The following TAFA5 variants were observed in gnomAD, a reference collection of about 807,000 sequenced individuals.
The protein encoded by TAFA5 is TAFA chemokine like family member 5, also known as chemokine-like protein TAFA-5.
A neutral mutation model predicts 15.3 loss-of-function variants in TAFA5; 6 were observed. The observed-to-expected ratio is 0.39, with a 90% confidence interval of 0.21 to 0.77. The LOEUF is 0.77. Among genes scored for constraint, TAFA5 ranks in the 30% least tolerant of loss-of-function variants. The probability of loss-of-function intolerance (pLI) is 0.41; values close to 1 mark genes in which losing one functional copy is unlikely to be tolerated. For missense variants in TAFA5, 161 were observed against 193.1 expected (o/e 0.83, Z 0.98); for synonymous variants, 103 against 80.7 (o/e 1.28, Z -1.48).
intron 2 of TAFA5, among the ~76,000 whole-genome samples, chr22:48,668,869 G>A (rs1354798193): frequency 6.6e-5 from 10 of 152,316 alleles, no homozygotes; most frequent in Non-Finnish European, 1.0e-4. Context: ...GGGTCTCAGC[G>A]TCAGCTCTGG....
intron 3 of TAFA5, among the ~76,000 whole-genome samples, chr22:48,729,351 A>ATGT (rs1555903037): frequency 7.1e-6 from 1 of 141,694 alleles, no homozygotes; most frequent in Admixed American, 7.2e-5. Context: ...ATATATTTTT[A>ATGT]TATTAGTATA....
chr22:48,693,008 A>G (rs1569081769), intron 2 of TAFA5, among the ~76,000 whole-genome samples: 1 of 152,210 alleles, frequency 6.6e-6, no homozygotes, highest in Non-Finnish European at 1.5e-5. Flanking sequence ...GCCCGTGCTC[A>G]CTATTCACAG....
At chr22:48,700,382 G>A (rs1005764234) in intron 2 of TAFA5, among the ~76,000 whole-genome samples, 1 of 152,182 alleles carries the variant, frequency 6.6e-6, no homozygotes, top group African/African-American at 2.4e-5. Context: ...GACCTCGCCG[G>A]GGAGAGTGTA....
In TAFA5 at chr22:48,707,711, C is replaced by T. The variant is rs1175796913; in HGVS notation, c.263-6C>T. 2 of 1,613,574 alleles carry T rather than the reference C, an allele frequency of 1.2e-6. No individual in the cohort carries two copies. Among genetic ancestry groups the T allele is most frequent in the African/African-American group, 1.3e-5 (1 of 74,922 alleles). Reference sequence around the variant, plus strand: ...ACGCTGATTGCCTCTCTCTTTTCTCCCACAGCAAGAATCATCAAGACCAAG... The same window carrying T: ...ACGCTGATTGCCTCTCTCTTTTCTCTCACAGCAAGAATCATCAAGACCAAG... On this transcript the variant is annotated splice_region_variant and splice_polypyrimidine_tract_variant and intron_variant, in intron 2 of 3. Transcript: ENST00000402357.
rs946880635 is a variant in TAFA5, at chr22:48,550,643, C to T, written c.112+60939C>T. Among the ~76,000 whole-genome samples the T allele has an allele frequency of 6.6e-6, 1 of 152,158 alleles. No homozygotes were observed. The highest frequency in any genetic ancestry group is 1.5e-5 in the Non-Finnish European group (1 of 68,022). On this transcript the variant is annotated intron_variant, in intron 1 of 3. Transcript: ENST00000402357. This position sits in a 1 kb window ranked among gnomAD's most constrained non-coding sequence, Gnocchi z 4.1. ...GATGCTGCTGGATCCTCCCAAGGTC[C>T]CTTTGCAGGTTGGAACCTGCGGCTC...
intron 1 of TAFA5, among the ~76,000 whole-genome samples, chr22:48,558,660 C>T (rs974781861): frequency 2.6e-5 from 4 of 152,280 alleles, no homozygotes; most frequent in South Asian, 4.1e-4. Flanking sequence ...ATCTTCCGGG[C>T]GTGGCCACTG....
At chr22:48,569,868 T>C (rs1470363319) in intron 1 of TAFA5, among the ~76,000 whole-genome samples, 2 of 152,234 alleles carry the variant, frequency 1.3e-5, no homozygotes, top group Non-Finnish European at 2.9e-5. Flanking sequence ...GCAGGAACTA[T>C]GGCCTGTCAT....
At chr22:48,512,530 C>T (rs1921252607) in intron 1 of TAFA5, among the ~76,000 whole-genome samples, 1 of 152,040 alleles carries the variant, frequency 6.6e-6, no homozygotes, top group African/African-American at 2.4e-5. Context: ...GTGGCTTGAA[C>T]CTGGGAGACA....
At chr22:48,524,902 C>G (rs1444566117) in intron 1 of TAFA5, among the ~76,000 whole-genome samples, 1 of 152,196 alleles carries the variant, frequency 6.6e-6, no homozygotes, top group Non-Finnish European at 1.5e-5. Flanking sequence ...GGGGCATTCT[C>G]TGATCCAGGC....
intron 1 of TAFA5, among the ~76,000 whole-genome samples, chr22:48,589,044 A>G (rs1924464130): frequency 6.6e-6 from 1 of 152,224 alleles, no homozygotes; most frequent in Non-Finnish European, 1.5e-5. Flanking sequence ...GACCTTGCTT[A>G]TAAATAACTG....
intron 1 of TAFA5, among the ~76,000 whole-genome samples, chr22:48,602,367 C>T (rs1393858333): frequency 2.6e-5 from 4 of 152,164 alleles, no homozygotes; most frequent in African/African-American, 4.8e-5. Flanking sequence ...CCCTGGGTGA[C>T]GGCTGTGTAG....
chr22:48,612,198 T>C (rs1925433516), intron 1 of TAFA5, among the ~76,000 whole-genome samples: 1 of 152,142 alleles, frequency 6.6e-6, no homozygotes, highest in Non-Finnish European at 1.5e-5. Flanking sequence ...CCACTGGGCC[T>C]CATGCTTTTC....
At chr22:48,732,422 A>G (rs1929894378) in intron 3 of TAFA5, among the ~76,000 whole-genome samples, 1 of 151,878 alleles carries the variant, frequency 6.6e-6, no homozygotes, top group South Asian at 2.1e-4. Flanking sequence ...ACGCCCAGCT[A>G]ATTTTTTGTA....
At chr22:48,676,174 A>C (rs1185814082) in intron 2 of TAFA5, among the ~76,000 whole-genome samples, 1 of 152,220 alleles carries the variant, frequency 6.6e-6, no homozygotes, top group Non-Finnish European at 1.5e-5. Context: ...CTGCCCAGTC[A>C]AAGGAACCAG....
At chr22:48,638,390 C>T (rs1488923657) in intron 1 of TAFA5, among the ~76,000 whole-genome samples, 1 of 112,034 alleles carries the variant, frequency 8.9e-6, no homozygotes, top group African/African-American at 3.4e-5. Context: ...GGACACCGCA[C>T]ACAGGGGGGA....
At chr22:48,612,745 A>C (rs1925457001) in intron 1 of TAFA5, among the ~76,000 whole-genome samples, 2 of 152,146 alleles carry the variant, frequency 1.3e-5, no homozygotes, top group Admixed American at 1.3e-4. Context: ...CCTCCTGGGC[A>C]ACCCTGCCAC....
intron 2 of TAFA5, 135 bp downstream of exon 2, chr22:48,646,881 T>G (rs2147202649): frequency 8.8e-7 from 1 of 1,132,328 alleles, no homozygotes; most frequent in East Asian, 2.6e-5. Flanking sequence ...CCCTGGCTGT[T>G]GGCACAGCTG....
intron 3 of TAFA5, among the ~76,000 whole-genome samples, chr22:48,748,700 C>G (rs577511650): frequency 2.0e-5 from 3 of 152,308 alleles, no homozygotes; most frequent in South Asian, 4.1e-4. Flanking sequence ...CGCCCAGGAG[C>G]TCAGGAACCG....
chr22:48,525,338 G>A (rs1218928819), intron 1 of TAFA5, among the ~76,000 whole-genome samples: 3 of 152,086 alleles, frequency 2.0e-5, no homozygotes, highest in African/African-American at 7.2e-5. Flanking sequence ...CTCCACACAG[G>A]GACCCTGGGA....
Sources: allele counts gnomAD v4.1 joint callset (sites outside exome capture counted in the v4.1 genomes callset), GRCh38; gene constraint gnomAD v4.1.1; non-coding constraint Gnocchi (gnomAD v3.1); transcripts MANE v1.5; gene names NCBI Gene and HGNC (gene_info 2026-07-23, HGNC 2026-07-21).